The following CNTNAP2 variants were observed in gnomAD, a reference collection of about 807,000 sequenced individuals.
The protein encoded by CNTNAP2 is contactin associated protein 2.
CNTNAP2 carries 98 observed loss-of-function variants against 155.2 expected under a neutral mutation model. The ratio of observed to expected loss-of-function variants is 0.63; its 90% CI spans 0.54 to 0.75. CNTNAP2 has a LOEUF of 0.75. Ranked by LOEUF, CNTNAP2 falls within the 30% of genes least tolerant of loss-of-function variation. The pLI is 0.00. For missense variants in CNTNAP2, 1,727 were observed against 1,688.1 expected (o/e 1.02, Z -0.40); for synonymous variants, 651 against 631.2 (o/e 1.03, Z -0.47).
intron 1 of CNTNAP2, among the ~76,000 whole-genome samples, chr7:146,397,552 T>C (rs1795648243): frequency 6.6e-6 from 1 of 152,164 alleles, no homozygotes; most frequent in South Asian, 2.1e-4. Flanking sequence ...CCATGGAAGA[T>C]GATGAGGAAG....
chr7:146,796,963 T>C (rs1303399380), intron 2 of CNTNAP2, among the ~76,000 whole-genome samples: 2 of 151,952 alleles, frequency 1.3e-5, no homozygotes, highest in Non-Finnish European at 1.5e-5. Context: ...CGTGAAACCC[T>C]GTCTCTACTA....
chr7:148,340,257 A>G (rs1227129835), intron 21 of CNTNAP2, among the ~76,000 whole-genome samples: 1 of 152,208 alleles, frequency 6.6e-6, no homozygotes, highest in Non-Finnish European at 1.5e-5. Flanking sequence ...GAAAAGTATC[A>G]CCAAAACGGA....
chr7:147,567,533 C>T (rs1187646247), intron 12 of CNTNAP2, among the ~76,000 whole-genome samples: 1 of 151,996 alleles, frequency 6.6e-6, no homozygotes, highest in Admixed American at 6.5e-5. Flanking sequence ...AAAATGGAGA[C>T]TTAAAGTAGT....
chr7:147,462,789 GT>G (rs1230133858), intron 10 of CNTNAP2, among the ~76,000 whole-genome samples: 1 of 152,020 alleles, frequency 6.6e-6, no homozygotes, highest in African/African-American at 2.4e-5. Context: ...TTGTTTGTTG[GT>G]TTTTTTGAGA....
chr7:147,376,451 T>C (rs1316153347), intron 9 of CNTNAP2, among the ~76,000 whole-genome samples: 3 of 151,990 alleles, frequency 2.0e-5, no homozygotes, highest in Non-Finnish European at 4.4e-5. Context: ...TGTTATCTAT[T>C]TGAACACTCT....
chr7:147,727,633 A>G (rs909370433), intron 13 of CNTNAP2, among the ~76,000 whole-genome samples: 3 of 151,932 alleles, frequency 2.0e-5, no homozygotes, highest in African/African-American at 7.2e-5. Context: ...AGAAATTATG[A>G]CACTTATTTT....
At chr7:146,739,076 A>G (rs545115958) in intron 1 of CNTNAP2, among the ~76,000 whole-genome samples, 11 of 151,976 alleles carry the variant, frequency 7.2e-5, no homozygotes, top group Admixed American at 3.3e-4. Flanking sequence ...TCTTTCTAAA[A>G]AAATCAACTC....
intron 14 of CNTNAP2, among the ~76,000 whole-genome samples, chr7:147,929,092 C>CAA (rs66584239): frequency 0.05 from 1,733 of 34,582 alleles, 241 homozygotes; most frequent in African/African-American, 0.09. Flanking sequence ...AACTCCATCC[C>CAA]AAAAAAAAAA....
At chr7:146,294,610 A>G (rs1276906046) in intron 1 of CNTNAP2, among the ~76,000 whole-genome samples, 1 of 152,200 alleles carries the variant, frequency 6.6e-6, no homozygotes, top group Non-Finnish European at 1.5e-5. Context: ...TTCACTTACA[A>G]TGCCATTGGT....
chr7:146,479,562 AAAG>A (rs1225285763), intron 1 of CNTNAP2, among the ~76,000 whole-genome samples: 1 of 152,220 alleles, frequency 6.6e-6, no homozygotes, highest in African/African-American at 2.4e-5. Flanking sequence ...TAAAAAGAAA[AAAG>A]AACTCTATTC....
intron 15 of CNTNAP2, among the ~76,000 whole-genome samples, chr7:148,020,802 T>A (rs2116917956): frequency 6.6e-6 from 1 of 152,358 alleles, no homozygotes; most frequent in East Asian, 1.9e-4. Context: ...ACACACAATG[T>A]GTTTGTCTCC....
intron 15 of CNTNAP2, among the ~76,000 whole-genome samples, chr7:148,024,885 A>T (rs17170794): frequency 0.045 from 6,832 of 152,264 alleles, 284 homozygotes; most frequent in East Asian, 0.26. Context: ...TCTCACAAGC[A>T]GTCAGAGGTG....
At chr7:148,334,228 G>A (rs1041546671) in intron 21 of CNTNAP2, among the ~76,000 whole-genome samples, 1 of 152,096 alleles carries the variant, frequency 6.6e-6, no homozygotes, top group Non-Finnish European at 1.5e-5. Context: ...GAAGGTTTTG[G>A]GTTCGAGGAG....
In CNTNAP2 at chr7:147,392,906, A is replaced by G. The variant is rs181328247; in HGVS notation, c.1499-2703A>G. 3.9e-3 allele frequency among the ~76,000 whole-genome samples: 592 copies of G among 152,208 alleles called. 5 individuals carry two copies. Among genetic ancestry groups the G allele is most frequent in the African/African-American group, 0.011 (463 of 41,558 alleles). ...ACAGCAACCTGGATGGCATGTCCAG[A>G]CATCACATTCTTTATTTGATATCTA... On this transcript the variant is annotated intron_variant, in intron 9 of 23. Transcript: ENST00000361727.
intron 22 of CNTNAP2, among the ~76,000 whole-genome samples, chr7:148,401,242 C>A (rs561694359): frequency 6.6e-6 from 1 of 152,122 alleles, no homozygotes; most frequent in African/African-American, 2.4e-5. Context: ...AATGAGGAGT[C>A]GAAAGACCTC....
At chr7:148,115,822 CTA>C (rs1235815112) in intron 15 of CNTNAP2, among the ~76,000 whole-genome samples, 4 of 151,956 alleles carry the variant, frequency 2.6e-5, no homozygotes, top group Non-Finnish European at 5.9e-5. Context: ...CTACTGAAAT[CTA>C]TGATTTTATA....
intron 15 of CNTNAP2, among the ~76,000 whole-genome samples, chr7:148,091,895 C>G (rs943063356): frequency 6.6e-6 from 1 of 152,080 alleles, no homozygotes; most frequent in Non-Finnish European, 1.5e-5. Flanking sequence ...AAGACTAGGC[C>G]AAGAGGCACA....
At chr7:148,047,038 C>T (rs973680797) in intron 15 of CNTNAP2, among the ~76,000 whole-genome samples, 4 of 152,312 alleles carry the variant, frequency 2.6e-5, no homozygotes, top group South Asian at 4.1e-4. Context: ...TGATGCTTCT[C>T]CTTGGGCCCC....
intron 2 of CNTNAP2, among the ~76,000 whole-genome samples, chr7:146,819,219 A>G (rs964550767): frequency 2.0e-5 from 3 of 152,182 alleles, no homozygotes; most frequent in Admixed American, 6.5e-5. Context: ...GATGGAAGCA[A>G]TGAACATATT....
Sources: allele counts gnomAD v4.1 joint callset (sites outside exome capture counted in the v4.1 genomes callset), GRCh38; gene constraint gnomAD v4.1.1; transcripts MANE v1.5; gene names NCBI Gene and HGNC (gene_info 2026-07-23, HGNC 2026-07-21).